ZNF540: variants seen among roughly 807,000 people sequenced by gnomAD.
ZNF540 encodes the protein zinc finger protein 540.
A neutral mutation model predicts 11.8 loss-of-function variants in ZNF540; 3 were observed. That is an observed-to-expected ratio of 0.25 (90% CI 0.12 to 0.65). The LOEUF is 0.65. Ranked by LOEUF, ZNF540 falls within the 30% of genes least tolerant of loss-of-function variation. The probability of loss-of-function intolerance (pLI) is 0.83; values close to 1 mark genes in which losing one functional copy is unlikely to be tolerated. For synonymous variants in ZNF540, 247 were observed against 259.0 expected (o/e 0.95, Z 0.45); for missense variants, 709 against 793.1 (o/e 0.89, Z 1.27).
intron 4 of ZNF540, 191 bp downstream of exon 4, chr19:37,601,296 G>T: frequency 2.2e-6 from 1 of 456,906 alleles, no homozygotes; most frequent in Non-Finnish European, 3.9e-6. Flanking sequence ...ACCTCATCTT[G>T]GCTCCTACTT....
intron 1 of ZNF540, among the ~76,000 whole-genome samples, chr19:37,552,661 G>T (rs971762849): frequency 1.3e-5 from 2 of 152,078 alleles, no homozygotes; most frequent in East Asian, 1.9e-4. Context: ...ACAATTTGTT[G>T]TGAGGGCCGG....
intron 1 of ZNF540, among the ~76,000 whole-genome samples, chr19:37,580,271 ATGATATATAC>A (rs1260296674): frequency 6.6e-6 from 1 of 152,220 alleles, no homozygotes; most frequent in Non-Finnish European, 1.5e-5. Context: ...ATCAATCCTC[ATGATATATAC>A]TGTGCTACAG....
At chr19:37,573,134 T>G (rs1208374469) in intron 1 of ZNF540, among the ~76,000 whole-genome samples, 2 of 136,532 alleles carry the variant, frequency 1.5e-5, no homozygotes, top group African/African-American at 5.0e-5. Flanking sequence ...CTCTTCCAAC[T>G]CTTTTTTTTT....
chr19:37,582,596 AC>A (rs1433624986), intron 1 of ZNF540, among the ~76,000 whole-genome samples: 1 of 151,982 alleles, frequency 6.6e-6, no homozygotes, highest in Non-Finnish European at 1.5e-5. Context: ...TATCCCCTCC[AC>A]CCACAGGCTT....
chr19:37,600,995 C>A lies in ZNF540; in HGVS notation c.137-15C>A, dbSNP rs746712503. The A allele has an allele frequency of 4.5e-6, 7 of 1,551,592 alleles. No homozygotes were observed. The East Asian group carries it at 1.7e-4, about 38-fold the overall frequency. ...TTTATTTCTATATATTCTTTTATTT[C>A]TTTCTTGTAAGCAGGATATTCTGGC... On this transcript the variant is annotated splice_polypyrimidine_tract_variant and intron_variant, in intron 3 of 4. Transcript: ENST00000316433.
chr19:37,556,147 G>T, intron 1 of ZNF540: 2 of 702,406 alleles, frequency 2.8e-6, no homozygotes, highest in Non-Finnish European at 2.6e-6. Context: ...TGCTCTTCGC[G>T]GGTACGGGCT....
At chr19:37,586,688 A>C in intron 1 of ZNF540, 1 of 1,614,132 alleles carries the variant, frequency 6.2e-7, no homozygotes, top group Non-Finnish European at 8.5e-7. Context: ...GTTTTTTAGA[A>C]CTGATCAATT....
At chr19:37,567,428 A>C (rs2042899391) in intron 1 of ZNF540, among the ~76,000 whole-genome samples, 1 of 152,210 alleles carries the variant, frequency 6.6e-6, no homozygotes, top group Non-Finnish European at 1.5e-5. Flanking sequence ...CCTTGTATTT[A>C]GAATAAAATC....
chr19:37,599,472 G>T (rs2044022440), intron 2 of ZNF540, among the ~76,000 whole-genome samples, 154 bp from the exon 3 acceptor site: 1 of 152,112 alleles, frequency 6.6e-6, no homozygotes, highest in Non-Finnish European at 1.5e-5. Context: ...TAGAACACCT[G>T]GTTCCTTTCT....
In ZNF540 at chr19:37,612,248, G is replaced by A; in HGVS notation, c.968G>A (p.Gly323Asp). ...YFKEHERIHT[G>D]KKPYECKECG... ...AAAGAACATGAGAGAATTCATACAG[G>A]TAAGAAACCCTATGAATGTAAGGAG... The change falls in exon 5 of 5, where the codon GGT (glycine) becomes GAT (aspartate). Residue 323 changes from glycine to aspartate, a missense_variant. Coordinates refer to ENST00000316433, the MANE Select transcript of ZNF540 (RefSeq NM_001172225.3). The A allele has an allele frequency of 1.9e-6, 3 of 1,613,824 alleles. No homozygotes were observed. The highest frequency in any genetic ancestry group is 2.5e-6 in the Non-Finnish European group (3 of 1,179,976).
At chr19:37,576,079 C>A (rs2147177943) in intron 1 of ZNF540, among the ~76,000 whole-genome samples, 1 of 151,782 alleles carries the variant, frequency 6.6e-6, no homozygotes, top group South Asian at 2.1e-4. Flanking sequence ...TCATCTAGAA[C>A]TAAGTTTTAG....
chr19:37,577,242 TTAACA>T (rs2043273474), intron 1 of ZNF540, among the ~76,000 whole-genome samples: 1 of 152,106 alleles, frequency 6.6e-6, no homozygotes, highest in East Asian at 1.9e-4. Context: ...AAATTTATAA[TTAACA>T]TAAATTTATA....
intron 1 of ZNF540, chr19:37,563,782 A>C (rs990891607): frequency 2.9e-4 from 3 of 10,522 alleles, no homozygotes; most frequent in African/African-American, 4.3e-4. Flanking sequence ...TGTGGAATAT[A>C]TGTATATATT....
intron 4 of ZNF540, among the ~76,000 whole-genome samples, chr19:37,609,912 T>G (rs896995517): frequency 6.6e-6 from 1 of 152,046 alleles, no homozygotes; most frequent in African/African-American, 2.4e-5. Flanking sequence ...ATCCAGTAGG[T>G]GGCTGAATAA....
chr19:37,605,657 A>AC (rs1367659601), intron 4 of ZNF540, among the ~76,000 whole-genome samples: 1 of 152,126 alleles, frequency 6.6e-6, no homozygotes, highest in Non-Finnish European at 1.5e-5. Flanking sequence ...CGCAAAAAAA[A>AC]GAAAGAAACT....
At chr19:37,579,385 G>C (rs2043365005) in intron 1 of ZNF540, among the ~76,000 whole-genome samples, 1 of 152,202 alleles carries the variant, frequency 6.6e-6, no homozygotes, top group Non-Finnish European at 1.5e-5. Flanking sequence ...CCAACCAGCT[G>C]ACACCAGCAC....
intron 1 of ZNF540, among the ~76,000 whole-genome samples, chr19:37,580,294 C>T (rs1358974970): frequency 3.3e-5 from 5 of 152,242 alleles, no homozygotes; most frequent in Non-Finnish European, 5.9e-5. Flanking sequence ...TGCTACAGCA[C>T]ATTTCTAACA....
rs1375091462 is a variant in ZNF540 at position 37,611,707 on chromosome 19, A to G, written c.427A>G (p.Lys143Glu). 16 of 1,613,812 alleles carry G rather than the reference A, an allele frequency of 9.9e-6. No homozygotes were observed. The highest frequency in any genetic ancestry group is 1.4e-5 in the Non-Finnish European group (16 of 1,179,944). The change falls in exon 5 of 5, where the codon AAA (lysine) becomes GAA (glutamate). Residue 143 changes from lysine (K) to glutamate (E), a missense_variant. Lys to Glu is a moderately conservative substitution (Grantham distance 56). Transcript: ENST00000316433. Reference sequence around the variant, plus strand: ...TAAAGAAAGATCTATCAGTCAAAAGAAAATCGTCTCTAAAAAAATGTCAAC... The same window carrying G: ...TAAAGAAAGATCTATCAGTCAAAAGGAAATCGTCTCTAAAAAAATGTCAAC... ...GLKERSISQK[K>E]IVSKKMSTDR...
At chr19:37,571,691 A>G (rs2043058405) in intron 1 of ZNF540, among the ~76,000 whole-genome samples, 1 of 152,178 alleles carries the variant, frequency 6.6e-6, no homozygotes. Context: ...TATTTTTGAC[A>G]TTATCCAGAA....
Sources: allele counts gnomAD v4.1 joint callset (sites outside exome capture counted in the v4.1 genomes callset), GRCh38; gene constraint gnomAD v4.1.1; transcripts MANE v1.5; gene names NCBI Gene and HGNC (gene_info 2026-07-23, HGNC 2026-07-21).